The following TIAM1 variants were observed in gnomAD, a reference collection of about 807,000 sequenced individuals.
The protein encoded by TIAM1 is rho guanine nucleotide exchange factor TIAM1.
TIAM1 carries 65 observed loss-of-function variants against 163.5 expected under a neutral mutation model. That is an observed-to-expected ratio of 0.40 (90% CI 0.33 to 0.49). The LOEUF is 0.49. TIAM1 is among the 20% of genes least tolerant of loss of function. The pLI is 0.77. For missense variants in TIAM1, 1,789 were observed against 2,044.7 expected (o/e 0.87, Z 2.41); for synonymous variants, 833 against 810.1 (o/e 1.03, Z -0.48).
intron 5 of TIAM1, among the ~76,000 whole-genome samples, chr21:31,246,284 A>G (rs1468737730): frequency 6.6e-6 from 1 of 152,122 alleles, no homozygotes. Flanking sequence ...TCTATGGCAC[A>G]CATACAAAGG....
chr21:31,210,743 G>GGAGAAAGA (rs1299852707), intron 10 of TIAM1, among the ~76,000 whole-genome samples: 11 of 69,486 alleles, frequency 1.6e-4, no homozygotes, highest in East Asian at 1.6e-3. Flanking sequence ...AAGAAGGAAG[G>GGAGAAAGA]AAGGGAGAAA....
intron 1 of TIAM1, among the ~76,000 whole-genome samples, chr21:31,469,069 G>A (rs2045640840): frequency 6.9e-6 from 1 of 145,234 alleles, no homozygotes; most frequent in African/African-American, 2.5e-5. Context: ...TGCCCCAGTG[G>A]AACCAATCCC....
intron 2 of TIAM1, among the ~76,000 whole-genome samples, chr21:31,396,630 T>C (rs1386233188): frequency 6.7e-6 from 1 of 148,754 alleles, no homozygotes; most frequent in Non-Finnish European, 1.5e-5. Flanking sequence ...ATTATAACAA[T>C]ATTATATTTA....
intron 1 of TIAM1, among the ~76,000 whole-genome samples, chr21:31,522,057 G>C (rs1043733579): frequency 5.9e-5 from 9 of 151,686 alleles, no homozygotes; most frequent in African/African-American, 2.2e-4. Context: ...ATTTTTAGTA[G>C]AGACAGGGTT....
intron 23 of TIAM1, among the ~76,000 whole-genome samples, chr21:31,133,366 C>T (rs2082491496): frequency 6.6e-6 from 1 of 152,140 alleles, no homozygotes; most frequent in African/African-American, 2.4e-5. Flanking sequence ...AACTACAGCC[C>T]CTATTGAGTT....
In TIAM1 at chr21:31,182,551, C is replaced by A. The variant is rs200357577; in HGVS notation, c.2757G>T (p.Ser919=). 6.2e-7 allele frequency: 1 copy of A among 1,613,988 alleles called. No individual in the cohort carries two copies. The highest frequency in any genetic ancestry group is 8.5e-7 in the Non-Finnish European group (1 of 1,179,944). ...GGTAGGTCCTCACCAGGAGGCCCAG[C>A]GAGGGCTGTGAGAGGAAATCTTTGA... ...SMLKDFLSQP[S]LGLLVRTYPE... The change falls in exon 15 of 28, where the codon TCG becomes TCT. Residue 919 remains serine (S), a synonymous_variant. Coordinates refer to ENST00000541036, the MANE Select transcript of TIAM1 (RefSeq NM_001353694.2).
intron 14 of TIAM1, among the ~76,000 whole-genome samples, chr21:31,185,080 T>G (rs1273062180): frequency 6.6e-6 from 1 of 152,170 alleles, no homozygotes; most frequent in Non-Finnish European, 1.5e-5. Context: ...ACACAACAGA[T>G]GCAAGGTAAG....
upstream of TIAM1, among the ~76,000 whole-genome samples, chr21:31,347,694 T>C (rs905587665): frequency 3.3e-5 from 5 of 152,180 alleles, no homozygotes; most frequent in African/African-American, 1.2e-4. Flanking sequence ...CGCTAAATGA[T>C]ACAAAAATAA....
In TIAM1 at chr21:31,421,529, G is replaced by A. The variant is rs112072950; in HGVS notation, c.-369+42454C>T. Among the ~76,000 whole-genome samples the A allele has an allele frequency of 8.7e-3, 1,326 of 152,306 alleles. 23 individuals are homozygous for A. The highest frequency in any genetic ancestry group is 0.03 in the African/African-American group (1,250 of 41,560). ...TAGGAGCATGAACCCTGTTGTGAAC[G>A]GCGCACGCGAGGGATCTAGGTTGCG... On this transcript the variant is annotated intron_variant, in intron 2 of 28. Coordinates refer to the TIAM1 transcript ENST00000286827.
intron 20 of TIAM1, 100 bp downstream of exon 20, chr21:31,146,795 A>G: frequency 1.2e-6 from 1 of 850,150 alleles, no homozygotes; most frequent in Non-Finnish European, 1.9e-6. Context: ...CTATCTGGCA[A>G]CCAATGACTC....
At chr21:31,283,831 C>T (rs535338591) in intron 2 of TIAM1, among the ~76,000 whole-genome samples, 21 of 152,164 alleles carry the variant, frequency 1.4e-4, no homozygotes, top group African/African-American at 3.9e-4. Flanking sequence ...CATGAGTCAC[C>T]GCGCCCATCC....
At chr21:31,550,633 T>C (rs1005683830) in intron 1 of TIAM1, among the ~76,000 whole-genome samples, 5 of 152,186 alleles carry the variant, frequency 3.3e-5, no homozygotes, top group African/African-American at 1.2e-4. Flanking sequence ...GGTGGAAGTA[T>C]ATCTTAATAA....
rs527801135 is a variant in TIAM1, at chr21:31,287,650, G to C, written c.-188-10742C>G. The stretch of plus-strand genomic sequence containing the variant: ...ACAGAAATTTCCAGTAAAAGAGAAG[G>C]GTATAAGCAAAGACTCTGAGGAATG... On this transcript the variant is annotated intron_variant, in intron 2 of 27. Coordinates refer to ENST00000541036, the MANE Select transcript of TIAM1 (RefSeq NM_001353694.2). Among the ~76,000 whole-genome samples the C allele has an allele frequency of 2.5e-4, 38 of 152,126 alleles. 1 individual carries two copies. In the South Asian group the frequency reaches 7.7e-3, roughly 31 times the overall value.
At position 31,389,346 on chromosome 21, in the gene TIAM1, T is replaced by C. The variant is rs1439408836; in HGVS notation, c.-368-49924A>G. On this transcript the variant is annotated intron_variant, in intron 2 of 28. Transcript: ENST00000286827. ...TTCTCAGCCTCCCGAGTAGCTGTGA[T>C]TACAGGTGCCTTCCACCACACCCAG... Among the ~76,000 whole-genome samples, 11 of 152,248 alleles carry C rather than the reference T, an allele frequency of 7.2e-5. No homozygotes were observed. In the East Asian group the frequency reaches 1.9e-3, roughly 27 times the overall value.
intron 2 of TIAM1, among the ~76,000 whole-genome samples, chr21:31,297,917 G>A (rs1317080886): frequency 3.9e-5 from 6 of 152,300 alleles, no homozygotes; most frequent in East Asian, 1.9e-4. Context: ...CCAATTGCCC[G>A]AGTATGACGA....
At chr21:31,471,465 GC>G (rs139957788) in intron 1 of TIAM1, among the ~76,000 whole-genome samples, 35,107 of 152,046 alleles carry the variant, frequency 0.23, 4,250 homozygotes, top group African/African-American at 0.26. Context: ...TAGTATCAGA[GC>G]TCTTCTCTGT....
intron 2 of TIAM1, among the ~76,000 whole-genome samples, chr21:31,287,327 A>G (rs984152056): frequency 6.6e-6 from 1 of 152,216 alleles, no homozygotes; most frequent in Non-Finnish European, 1.5e-5. Flanking sequence ...ATGATCACAC[A>G]TTCAGTTCAA....
intron 2 of TIAM1, among the ~76,000 whole-genome samples, chr21:31,368,677 T>C (rs773364975): frequency 3.3e-5 from 5 of 152,172 alleles, no homozygotes; most frequent in Non-Finnish European, 7.3e-5. Flanking sequence ...CCCAGTATAC[T>C]TATATTTGTA....
At chr21:31,393,995 T>C (rs565604764) in intron 2 of TIAM1, among the ~76,000 whole-genome samples, 13 of 152,318 alleles carry the variant, frequency 8.5e-5, no homozygotes, top group African/African-American at 2.6e-4. Context: ...ATTTCATTTA[T>C]ATATTATGTG....
Sources: gnomAD v4.1 joint callset for allele counts (sites outside exome capture counted in the v4.1 genomes callset) on GRCh38, gnomAD v4.1.1 for gene constraint, MANE v1.5 for transcripts, NCBI Gene and HGNC (gene_info 2026-07-23, HGNC 2026-07-21) for gene names.